Variants in WDR41 observed in about 807,000 individuals in gnomAD.
WDR41 encodes WD repeat-containing protein 41.
WDR41 carries 63 observed loss-of-function variants against 69.3 expected under a neutral mutation model. That is an observed-to-expected ratio of 0.91 (90% CI 0.74 to 1.12). WDR41 has a LOEUF of 1.12. WDR41 is among the 50% of genes most tolerant of loss of function. WDR41 has a pLI of 0.00. For synonymous variants in WDR41, 185 were observed against 192.1 expected (o/e 0.96, Z 0.31); for missense variants, 543 against 534.5 (o/e 1.02, Z -0.16).
At chr5:77,583,249 C>A in intron 1 of WDR41, 1 of 632,030 alleles carries the variant, frequency 1.6e-6, no homozygotes, top group Admixed American at 2.9e-5. Flanking sequence ...AGGCCAGGCG[C>A]CGTCCCTGTT....
At chr5:77,495,451 T>C (rs1163072960), upstream of WDR41, among the ~76,000 whole-genome samples, 1 of 151,986 alleles carries the variant, frequency 6.6e-6, no homozygotes, top group African/African-American at 2.4e-5. Context: ...ACATTACTAC[T>C]GACTTTGCAG....
At chr5:77,567,109 G>T (rs1743647034) in intron 1 of WDR41, among the ~76,000 whole-genome samples, 1 of 152,104 alleles carries the variant, frequency 6.6e-6, no homozygotes, top group African/African-American at 2.4e-5. Context: ...ACTGATATCG[G>T]CTTCCACATA....
intron 6 of WDR41, chr5:77,452,888 A>G (rs940836912): frequency 6.6e-6 from 1 of 152,212 alleles, no homozygotes; most frequent in Non-Finnish European, 1.5e-5. Context: ...TAACTTTACC[A>G]AAATAAAATT....
chr5:77,445,596 C>A (rs1252743843), intron 8 of WDR41, among the ~76,000 whole-genome samples: 7 of 152,150 alleles, frequency 4.6e-5, no homozygotes, highest in African/African-American at 1.7e-4. Context: ...GGGCTTCATC[C>A]CTGGGATGCA....
chr5:77,553,292 A>G (rs1743331793), intron 1 of WDR41, among the ~76,000 whole-genome samples: 1 of 152,156 alleles, frequency 6.6e-6, no homozygotes, highest in South Asian at 2.1e-4. Flanking sequence ...TCCACTTTCA[A>G]CCAAGATGGA....
chr5:77,476,669 G>A (rs1420823245), intron 2 of WDR41, among the ~76,000 whole-genome samples: 1 of 151,812 alleles, frequency 6.6e-6, no homozygotes, highest in Non-Finnish European at 1.5e-5. Flanking sequence ...AGCTCCTGAA[G>A]GAAGTGCTAA....
intron 1 of WDR41, chr5:77,491,190 T>C (rs1327035678): frequency 2.4e-6 from 1 of 409,830 alleles, no homozygotes; most frequent in Non-Finnish European, 5.0e-6. Flanking sequence ...GTGATGACAT[T>C]ACCTTGTAAA....
intron 2 of WDR41, among the ~76,000 whole-genome samples, chr5:77,487,591 G>C (rs1011770779): frequency 1.3e-5 from 2 of 152,188 alleles, no homozygotes; most frequent in Non-Finnish European, 2.9e-5. Context: ...CTTTGTCTCT[G>C]GTTCCTAGAA....
At chr5:77,610,050 G>C (rs1456287400) in intron 1 of WDR41, among the ~76,000 whole-genome samples, 1 of 151,820 alleles carries the variant, frequency 6.6e-6, no homozygotes, top group African/African-American at 2.4e-5. Flanking sequence ...TGGAAGAAAG[G>C]GTATCAGTGA....
intron 1 of WDR41, among the ~76,000 whole-genome samples, chr5:77,611,010 T>G (rs2112340349): frequency 6.6e-6 from 1 of 152,272 alleles, no homozygotes; most frequent in Non-Finnish European, 1.5e-5. Context: ...GCAATCCTAG[T>G]CTCTGATAAA....
intron 1 of WDR41, among the ~76,000 whole-genome samples, chr5:77,571,791 A>G (rs2112274396): frequency 6.6e-6 from 1 of 152,320 alleles, no homozygotes; most frequent in South Asian, 2.1e-4. Context: ...TCTCTCGTCC[A>G]GGAGCAAGTG....
At chr5:77,436,028 G>A (rs1451482538) in intron 12 of WDR41, among the ~76,000 whole-genome samples, 1 of 152,148 alleles carries the variant, frequency 6.6e-6, no homozygotes, top group Non-Finnish European at 1.5e-5. Flanking sequence ...CCTAAATAAT[G>A]GTGATTAAGA....
chr5:77,616,031 A>T (rs998863668), intron 1 of WDR41, among the ~76,000 whole-genome samples: 3 of 151,948 alleles, frequency 2.0e-5, no homozygotes, highest in East Asian at 1.9e-4. Flanking sequence ...ATTAATTAAT[A>T]AAATTACTGC....
At chr5:77,540,437 A>G (rs1247318048) in intron 1 of WDR41, 1 of 152,364 alleles carries the variant, frequency 6.6e-6, no homozygotes, top group Admixed American at 6.5e-5. Flanking sequence ...ACATACTGCT[A>G]AGAGCTAATG....
At chr5:77,597,232 C>G (rs1252107813) in intron 1 of WDR41, among the ~76,000 whole-genome samples, 1 of 152,144 alleles carries the variant, frequency 6.6e-6, no homozygotes, top group Non-Finnish European at 1.5e-5. Flanking sequence ...TTGAGAACCA[C>G]TGCTCTAATA....
exon 1 of WDR41, chr5:77,620,552 C>G (rs1331466119): frequency 2.2e-6 from 1 of 456,088 alleles, no homozygotes; most frequent in East Asian, 7.0e-5. Flanking sequence ...AGAGATACTT[C>G]CTGGTCTGTG....
At chr5:77,598,641 T>A (rs1744266081) in intron 1 of WDR41, among the ~76,000 whole-genome samples, 1 of 141,756 alleles carries the variant, frequency 7.1e-6, no homozygotes, top group East Asian at 2.5e-4. Flanking sequence ...ATCAGTAAGT[T>A]TCCTTTTTTT....
At chr5:77,543,543 G>A (rs1743132774) in intron 1 of WDR41, among the ~76,000 whole-genome samples, 1 of 152,002 alleles carries the variant, frequency 6.6e-6, no homozygotes, top group South Asian at 2.1e-4. Context: ...CTGAACAAGT[G>A]AAAGAAGGAA....
chr5:77,561,510 G>A (rs1442992245), intron 1 of WDR41, among the ~76,000 whole-genome samples: 1 of 151,878 alleles, frequency 6.6e-6, no homozygotes. Flanking sequence ...TTTAAATAAT[G>A]TTTCTATTAT....
Sources: gnomAD v4.1 joint callset for allele counts (sites outside exome capture counted in the v4.1 genomes callset) on GRCh38, gnomAD v4.1.1 for gene constraint, MANE v1.5 for transcripts, NCBI Gene and HGNC (gene_info 2026-07-23, HGNC 2026-07-21) for gene names.